CCDC126: variants seen among roughly 807,000 people sequenced by gnomAD.
CCDC126 encodes coiled-coil domain-containing protein 126.
CCDC126 carries 5 observed loss-of-function variants against 11.7 expected under a neutral mutation model. The ratio of observed to expected loss-of-function variants is 0.43; its 90% CI spans 0.22 to 0.90. The LOEUF (loss-of-function observed/expected upper bound fraction) is 0.90. Ranked by LOEUF, CCDC126 falls within the 40% of genes least tolerant of loss-of-function variation. CCDC126 has a pLI of 0.27. For synonymous variants in CCDC126, 60 were observed against 61.9 expected, an observed-to-expected ratio of 0.97 and a Z score of 0.14; for missense variants, 150 against 163.1, an observed-to-expected ratio of 0.92 and a Z score of 0.44.
chr7:23,638,953 A>T (rs1251946140), intron 3 of CCDC126, among the ~76,000 whole-genome samples: 1 of 150,974 alleles, frequency 6.6e-6, no homozygotes, highest in East Asian at 1.9e-4. Context: ...TGCCATGGAA[A>T]AGGAGATCCA....
chr7:23,642,861 C>A, intron 3 of CCDC126, 70 bp from the exon 4 acceptor site: 1 of 1,354,912 alleles, frequency 7.4e-7, no homozygotes, highest in Non-Finnish European at 1.0e-6. Flanking sequence ...CACCTTTTTC[C>A]TTCAAACTGT....
intron 3 of CCDC126, among the ~76,000 whole-genome samples, chr7:23,627,451 C>T (rs1185414410): frequency 1.3e-5 from 2 of 151,850 alleles, no homozygotes; most frequent in African/African-American, 2.4e-5. Flanking sequence ...CCCGTAGTCC[C>T]AGCTACTCGG....
chr7:23,617,817 T>C (rs1178957313), intron 3 of CCDC126, among the ~76,000 whole-genome samples: 3 of 152,180 alleles, frequency 2.0e-5, no homozygotes, highest in Non-Finnish European at 2.9e-5. Context: ...GTACTGTGCG[T>C]CACTTTTGAT....
At position 23,644,178 on chromosome 7, in the gene CCDC126, A is replaced by T. The variant is rs984711382; in HGVS notation, c.*1063A>T. 1 of 152,172 alleles carries T rather than the reference A, an allele frequency of 6.6e-6. No individual in the cohort carries two copies. Among genetic ancestry groups the T allele is most frequent in the East Asian group, 1.9e-4 (1 of 5,206 alleles). The allele number at this position is 152,172 out of a possible 1,614,324, so 9.4% of individuals were successfully genotyped here. A position where few individuals can be genotyped will look rare whatever the true frequency, so the allele number is the denominator to read the frequency against. ...AACAGATGCATTAGATATTCATTTT[A>T]TATAATGGCCACTTAAAATAAGAAC... is the stretch of plus-strand genomic sequence containing the variant. On this transcript the variant is annotated 3_prime_UTR_variant, in exon 4 of 4. Transcript: ENST00000307471.
intron 3 of CCDC126, chr7:23,619,437 A>G (rs1373066193): frequency 9.6e-6 from 4 of 417,206 alleles, no homozygotes; most frequent in African/African-American, 4.3e-5. Flanking sequence ...CTACAAAGAA[A>G]GAAGAAAAGG....
chr7:23,639,316 C>T (rs762465800), intron 3 of CCDC126, among the ~76,000 whole-genome samples: 14 of 151,880 alleles, frequency 9.2e-5, no homozygotes, highest in Non-Finnish European at 1.6e-4. Flanking sequence ...TTCAGCCTCC[C>T]GAGTAGCTGG....
At chr7:23,637,434 G>C (rs1584218749) in intron 3 of CCDC126, among the ~76,000 whole-genome samples, 2 of 86,424 alleles carry the variant, frequency 2.3e-5, no homozygotes, top group African/African-American at 4.5e-5. Context: ...GGGAGGTGGG[G>C]GGGTCAGCCC....
chr7:23,618,538 A>ATGTTTTT (rs1562493420), intron 3 of CCDC126, among the ~76,000 whole-genome samples: 1 of 119,620 alleles, frequency 8.4e-6, no homozygotes, highest in Non-Finnish European at 1.7e-5. Flanking sequence ...GATCAGCTAA[A>ATGTTTTT]TTTTTTTTTT....
At position 23,597,618 on chromosome 7, in the gene CCDC126, G is replaced by A. The variant is rs1433867760; in HGVS notation, c.-231+13G>A. On this transcript the variant is annotated intron_variant, in intron 1 of 3. Transcript: ENST00000307471. ...AGCCCACGGCCAGGTAATGAGTAAG[G>A]GGCGAGTCCGCCAGCCGGGCCCGCA... The A allele has an allele frequency of 6.6e-6, 1 of 152,290 alleles. No individual in the cohort carries two copies. The highest frequency in any genetic ancestry group is 2.4e-5 in the African/African-American group (1 of 41,436). The allele number at this position is 152,290 out of a possible 1,614,324, so 9.4% of individuals were successfully genotyped here.
chr7:23,639,471 C>T (rs1322236747), intron 3 of CCDC126, among the ~76,000 whole-genome samples: 1 of 152,182 alleles, frequency 6.6e-6, no homozygotes, highest in African/African-American at 2.4e-5. Context: ...GCCCAAAGTG[C>T]TGGGATTACA....
At chr7:23,609,888 TA>T (rs1241071130) in intron 2 of CCDC126, among the ~76,000 whole-genome samples, 2 of 152,244 alleles carry the variant, frequency 1.3e-5, no homozygotes, top group East Asian at 1.9e-4. Context: ...AATACAATTT[TA>T]AAAAAGTTCT....
At chr7:23,620,934 A>C (rs1782882625) in intron 3 of CCDC126, among the ~76,000 whole-genome samples, 1 of 151,992 alleles carries the variant, frequency 6.6e-6, no homozygotes, top group South Asian at 2.1e-4. Context: ...TTCTATTGGT[A>C]TGTATCTCTG....
At chr7:23,635,950 C>A (rs948477136) in intron 3 of CCDC126, among the ~76,000 whole-genome samples, 1 of 152,180 alleles carries the variant, frequency 6.6e-6, no homozygotes, top group Non-Finnish European at 1.5e-5. Flanking sequence ...CTGGACGGTA[C>A]TGCTGCCATC....
chr7:23,639,270 C>T (rs1373624770), intron 3 of CCDC126, among the ~76,000 whole-genome samples: 1 of 151,082 alleles, frequency 6.6e-6, no homozygotes, highest in Non-Finnish European at 1.5e-5. Flanking sequence ...CAGCTCACTG[C>T]AACTTCTACC....
chr7:23,643,579 A>G lies in CCDC126; in HGVS notation c.*464A>G, dbSNP rs1783403998. 1.3e-5 allele frequency: 2 copies of G among 153,156 alleles called. No individual in the cohort carries two copies. The highest frequency in any genetic ancestry group is 2.1e-4 in the South Asian group (1 of 4,840). 9.5% of individuals were successfully genotyped at this position (153,156 alleles called of 1,614,324 possible). On this transcript the variant is annotated 3_prime_UTR_variant, in exon 4 of 4. Transcript: ENST00000307471. ...CTATTTGAAAAAATGTGCTTATTGT[A>G]CTATATTTTGTTATTCCAATTATGA...
chr7:23,609,703 CA>C (rs965433200), intron 2 of CCDC126, among the ~76,000 whole-genome samples: 2 of 150,428 alleles, frequency 1.3e-5, no homozygotes, highest in African/African-American at 4.9e-5. Context: ...CCCTTCTCTA[CA>C]AAAAAAAATT....
intron 3 of CCDC126, chr7:23,619,558 ATTTATT>A (rs1782854178): frequency 7.7e-6 from 2 of 260,546 alleles, no homozygotes; most frequent in Non-Finnish European, 1.6e-5. Context: ...TACCAACTTT[ATTTATT>A]TTTTCTTTTT....
At chr7:23,632,093 G>GTTT (rs200021592) in intron 3 of CCDC126, among the ~76,000 whole-genome samples, 3 of 134,738 alleles carry the variant, frequency 2.2e-5, no homozygotes, top group Admixed American at 7.5e-5. Context: ...CACCAAGTGG[G>GTTT]TTTTTTTTTT....
intron 3 of CCDC126, among the ~76,000 whole-genome samples, chr7:23,640,745 T>C (rs1255800620): frequency 6.6e-6 from 1 of 152,186 alleles, no homozygotes; most frequent in African/African-American, 2.4e-5. Flanking sequence ...ATATTTGATT[T>C]GATTGATGTC....
Sources: gnomAD v4.1 joint callset for allele counts (sites outside exome capture counted in the v4.1 genomes callset) on GRCh38, gnomAD v4.1.1 for gene constraint, MANE v1.5 for transcripts, NCBI Gene and HGNC (gene_info 2026-07-23, HGNC 2026-07-21) for gene names.